PCDHGB3: variants seen among roughly 807,000 people sequenced by gnomAD.
PCDHGB3 encodes protocadherin gamma subfamily B, 3, also known as protocadherin gamma-B3.
Under a neutral mutation model 59.2 loss-of-function variants are expected in PCDHGB3, and 40 were observed. That is an observed-to-expected ratio of 0.68 (90% confidence interval 0.52 to 0.88). The LOEUF is 0.88. PCDHGB3 is among the 40% of genes least tolerant of loss of function. The pLI, the probability that PCDHGB3 is intolerant of heterozygous loss-of-function variation, is 0.00. For synonymous variants in PCDHGB3, 581 were observed against 503.6 expected (o/e 1.15, Z -2.06); for missense variants, 1,309 against 1,187.9 (o/e 1.10, Z -1.50).
Position 141,489,263 on chromosome 5 carries a change from A to G in PCDHGB3, c.2416-5544A>G. The G allele has an allele frequency of 6.4e-7, 1 of 1,552,104 alleles. No homozygotes were observed. Among genetic ancestry groups the G allele is most frequent in the South Asian group, 1.3e-5 (1 of 79,626 alleles). On this transcript the variant is annotated intron_variant, in intron 1 of 3. Transcript: ENST00000576222. This position sits in a 1 kb window ranked among gnomAD's most constrained non-coding sequence, Gnocchi z 4.5. ...GTCATGGGGCCCAAGACACTCCCAC[A>G]GCTCGCTGGGAAATGGCAAGTGCTG...
chr5:141,384,768 G>C (rs1046016115), intron 1 of PCDHGB3: 4 of 1,613,804 alleles, frequency 2.5e-6, no homozygotes, highest in Non-Finnish European at 3.4e-6. Context: ...GGCTGTACAC[G>C]GGCGAGGTGC....
intron 1 of PCDHGB3, among the ~76,000 whole-genome samples, chr5:141,425,504 T>A (rs1049969153): frequency 2.6e-5 from 4 of 152,260 alleles, no homozygotes; most frequent in Non-Finnish European, 5.9e-5. Flanking sequence ...TACCTTTATA[T>A]TCTCTTTATG....
intron 1 of PCDHGB3, chr5:141,423,907 G>C: frequency 7.9e-7 from 1 of 1,271,360 alleles, no homozygotes. Context: ...TTTCAAAGGG[G>C]CCATTCAACT....
chr5:141,404,334 T>G (rs1201635505), intron 1 of PCDHGB3: 2 of 1,613,882 alleles, frequency 1.2e-6, no homozygotes, highest in Non-Finnish European at 1.7e-6. Flanking sequence ...TCAGTCTACC[T>G]CCCGGAAAAC....
chr5:141,390,518 T>C (rs1045172175), intron 1 of PCDHGB3: 28 of 570,804 alleles, frequency 4.9e-5, no homozygotes, highest in Middle Eastern at 4.8e-4. Context: ...TATAAAGCAA[T>C]GAGGGTGTGG....
At chr5:141,423,659 A>T (rs369390148) in intron 1 of PCDHGB3, 133 of 1,551,038 alleles carry the variant, frequency 8.6e-5, no homozygotes, top group Non-Finnish European at 1.1e-4. Context: ...ACAAGTAATC[A>T]GGTGAGATTT....
chr5:141,410,245 C>T, intron 1 of PCDHGB3: 1 of 1,614,038 alleles, frequency 6.2e-7, no homozygotes. Context: ...GCCCTGTACT[C>T]TCTGACCCCC....
chr5:141,373,134 C>T (rs1335813862), intron 1 of PCDHGB3, among the ~76,000 whole-genome samples: 4 of 152,200 alleles, frequency 2.6e-5, no homozygotes, highest in Non-Finnish European at 5.9e-5. Flanking sequence ...CAAATCCTCA[C>T]AATTAAGTGG....
intron 1 of PCDHGB3, chr5:141,478,778 C>A: frequency 6.7e-7 from 1 of 1,488,178 alleles, no homozygotes; most frequent in Non-Finnish European, 8.9e-7. Flanking sequence ...ATCTGTGGAC[C>A]TAATTCACAT....
chr5:141,511,049 G>A lies in PCDHGB3; in HGVS notation c.2666G>A (p.Arg889His), dbSNP rs61749029. 408 of 1,614,098 alleles carry A rather than the reference G, an allele frequency of 2.5e-4. No individual in the cohort carries two copies. Among genetic ancestry groups the A allele is most frequent in the South Asian group, 7.2e-4 (66 of 91,094 alleles). Residue 889 changes from arginine (R) to histidine (H), a missense_variant, in exon 4 of 4, where the codon CGC becomes CAC. Transcript: ENST00000576222. ...QFTLQHVPDY[R>H]QNVYIPGSNA... ...ACCCTGCAGCACGTGCCCGACTACC[G>A]CCAGAATGTCTACATCCCAGGCAGC...
chr5:141,425,943 C>T (rs2096904576), intron 1 of PCDHGB3, among the ~76,000 whole-genome samples: 1 of 152,220 alleles, frequency 6.6e-6, no homozygotes, highest in African/African-American at 2.4e-5. Flanking sequence ...TGTCTAGTTT[C>T]CTATACATTA....
In PCDHGB3 at chr5:141,422,749, A is replaced by G. The variant is rs202046219; in HGVS notation, c.2415+49940A>G. Reference sequence around the variant, plus strand: ...GGTGCCTCTGTCCTCCTATGTCTCTATTAACTCCAACACTGGTGTTCTCTA... The same window carrying G: ...GGTGCCTCTGTCCTCCTATGTCTCTGTTAACTCCAACACTGGTGTTCTCTA... On this transcript the variant is annotated intron_variant, in intron 1 of 3. Coordinates refer to ENST00000576222, the MANE Select transcript of PCDHGB3 (RefSeq NM_018924.5). 269 of 1,611,644 alleles carry G rather than the reference A, an allele frequency of 1.7e-4. 1 individual carries two copies. The African/African-American group carries it at 3.3e-3, about 20-fold the overall frequency.
chr5:141,391,230 G>C (rs2092321546), intron 1 of PCDHGB3: 1 of 152,026 alleles, frequency 6.6e-6, no homozygotes, highest in Non-Finnish European at 1.5e-5. Flanking sequence ...TGAGCCTTTT[G>C]CTAGGTATAT....
rs369793035 is a variant in PCDHGB3, at chr5:141,408,762, A to T, written c.2415+35953A>T. 57 of 1,610,942 alleles carry T rather than the reference A, an allele frequency of 3.5e-5. No homozygotes were observed. The highest frequency in any genetic ancestry group is 4.6e-5 in the Non-Finnish European group (54 of 1,178,454). On this transcript the variant is annotated intron_variant, in intron 1 of 3. Transcript: ENST00000576222. ...TCATTAATGGTTAGAGTTAATTCCG[A>T]TGGTGGCAAATACCCAGAGTTATCT...
At chr5:141,459,263 C>T (rs2098964603) in intron 1 of PCDHGB3, among the ~76,000 whole-genome samples, 1 of 152,176 alleles carries the variant, frequency 6.6e-6, no homozygotes, top group South Asian at 2.1e-4. Flanking sequence ...ATTAGTGTTG[C>T]CTCTTTCAGA....
At chr5:141,399,454 G>A in intron 1 of PCDHGB3, 1 of 1,613,992 alleles carries the variant, frequency 6.2e-7, no homozygotes. Flanking sequence ...AGACGTCAAC[G>A]ATAACGCTCC....
In PCDHGB3 at chr5:141,511,296, A is replaced by C; in HGVS notation, c.*123A>C. 1 of 1,505,968 alleles carries C rather than the reference A, an allele frequency of 6.6e-7. No individual in the cohort carries two copies. The allele number at this position is 1,505,968 out of a possible 1,614,324, so 93.3% of individuals were successfully genotyped here. On this transcript the variant is annotated 3_prime_UTR_variant, in exon 4 of 4. Coordinates refer to ENST00000576222, the MANE Select transcript of PCDHGB3 (RefSeq NM_018924.5). ...CAGAATACTGGTAGGGGCCAAGGCCATGCTCCCCTTGGGAAACAGAAACAA... is the reference window on the plus strand; with the variant it reads ...CAGAATACTGGTAGGGGCCAAGGCCCTGCTCCCCTTGGGAAACAGAAACAA...
chr5:141,433,406 T>TC (rs397794347), intron 1 of PCDHGB3, among the ~76,000 whole-genome samples: 446 of 150,100 alleles, frequency 3.0e-3, no homozygotes, highest in African/African-American at 0.01. Context: ...TATCTATCTA[T>TC]TACTTTCTTG....
intron 1 of PCDHGB3, among the ~76,000 whole-genome samples, chr5:141,492,090 C>T (rs751238997): frequency 1.4e-4 from 21 of 152,258 alleles, no homozygotes; most frequent in Admixed American, 6.5e-5. Flanking sequence ...GCACGCTTCG[C>T]CGGTCTGTAG....
Sources: allele counts gnomAD v4.1 joint callset (sites outside exome capture counted in the v4.1 genomes callset), GRCh38; gene constraint gnomAD v4.1.1; non-coding constraint Gnocchi (gnomAD v3.1); transcripts MANE v1.5; gene names NCBI Gene and HGNC (gene_info 2026-07-23, HGNC 2026-07-21).